Variants in SPATA6 observed in about 807,000 individuals in gnomAD.
SPATA6 encodes spermatogenesis associated 6, also known as spermatogenesis-associated protein 6.
Under a neutral mutation model 65.3 loss-of-function variants are expected in SPATA6, and 56 were observed. The observed-to-expected ratio is 0.86, with a 90% CI of 0.69 to 1.07. The LOEUF is 1.07. Ranked by LOEUF, SPATA6 falls within the 50% of genes least tolerant of loss-of-function variation. The pLI is 0.00. For missense variants in SPATA6, 590 were observed against 594.8 expected (o/e 0.99, Z 0.08); for synonymous variants, 199 against 213.2 (o/e 0.93, Z 0.58).
chr1:48,346,446 T>C (rs563298677), intron 11 of SPATA6, among the ~76,000 whole-genome samples: 6 of 152,208 alleles, frequency 3.9e-5, no homozygotes, highest in East Asian at 1.9e-4. Flanking sequence ...ATCACTCTTA[T>C]TCAACATAGG....
chr1:48,277,371 C>T, the SPATA6 span, among the ~76,000 whole-genome samples: 7 of 152,312 alleles, frequency 4.6e-5, no homozygotes, highest in African/African-American at 1.4e-4. Flanking sequence ...CAAAGCAGGG[C>T]GAGGCATTGC....
intron 11 of SPATA6, among the ~76,000 whole-genome samples, chr1:48,309,195 T>C (rs1305964244): frequency 6.6e-6 from 1 of 152,172 alleles, no homozygotes; most frequent in African/African-American, 2.4e-5. Flanking sequence ...ATATTCCTTC[T>C]GTCCCTTCCT....
chr1:48,413,012 C>G (rs1652396076), intron 4 of SPATA6, 98 bp downstream of exon 4: 1 of 345,998 alleles, frequency 2.9e-6, no homozygotes, highest in Non-Finnish European at 4.7e-6. Flanking sequence ...TATATTATAT[C>G]CTTATCAAAT....
the SPATA6 span, among the ~76,000 whole-genome samples, chr1:48,286,056 CTGTTT>C: frequency 6.6e-6 from 1 of 152,152 alleles, no homozygotes; most frequent in African/African-American, 2.4e-5. Context: ...CAGGATTACA[CTGTTT>C]TGTTTATTAT....
intron 11 of SPATA6, among the ~76,000 whole-genome samples, chr1:48,332,036 A>T (rs150911256): frequency 1.0e-3 from 159 of 152,306 alleles, no homozygotes; most frequent in African/African-American, 3.7e-3. Context: ...ATGCTGAGGG[A>T]ATTTGTTAAC....
intron 3 of SPATA6, among the ~76,000 whole-genome samples, chr1:48,433,566 G>A (rs1319468478): frequency 6.6e-6 from 1 of 151,960 alleles, no homozygotes; most frequent in South Asian, 2.1e-4. Context: ...AAATATTATA[G>A]CAAAATAGTA....
the SPATA6 span, among the ~76,000 whole-genome samples, chr1:48,280,125 T>C: frequency 6.6e-6 from 1 of 152,210 alleles, no homozygotes; most frequent in Non-Finnish European, 1.5e-5. Flanking sequence ...AGATGTTCTT[T>C]GAAACCAACG....
chr1:48,389,553 G>A (rs1649835138), intron 8 of SPATA6, among the ~76,000 whole-genome samples: 1 of 151,860 alleles, frequency 6.6e-6, no homozygotes, highest in South Asian at 2.1e-4. Context: ...CACCTATAAA[G>A]AAACCCCCAT....
intron 9 of SPATA6, among the ~76,000 whole-genome samples, chr1:48,380,938 C>T (rs1049614793): frequency 1.1e-4 from 16 of 152,158 alleles, no homozygotes; most frequent in African/African-American, 3.4e-4. Flanking sequence ...AATTTTTCCA[C>T]GAACTGGTGG....
downstream of SPATA6, among the ~76,000 whole-genome samples, chr1:48,291,262 A>C (rs536117004): frequency 3.3e-5 from 5 of 152,132 alleles, no homozygotes; most frequent in South Asian, 4.1e-4. Flanking sequence ...TTGTATGGGG[A>C]GGATCAGGTG....
At chr1:48,451,498 A>C in intron 3 of SPATA6, 54 bp downstream of exon 3, 1 of 1,534,548 alleles carries the variant, frequency 6.5e-7, no homozygotes, top group Non-Finnish European at 8.9e-7. Flanking sequence ...GATCATAAGG[A>C]TAATAAATCC....
chr1:48,361,935 A>T (rs1646825415), intron 9 of SPATA6, among the ~76,000 whole-genome samples: 1 of 152,172 alleles, frequency 6.6e-6, no homozygotes, highest in Non-Finnish European at 1.5e-5. Flanking sequence ...AGTTCAAATG[A>T]CACAGTTACA....
intron 9 of SPATA6, among the ~76,000 whole-genome samples, chr1:48,361,640 C>T (rs563465750): frequency 6.6e-6 from 1 of 152,254 alleles, no homozygotes; most frequent in South Asian, 2.1e-4. Context: ...ACCATTTAGA[C>T]AGCTATCTAA....
chr1:48,307,390 A>G (rs777941428), intron 11 of SPATA6, among the ~76,000 whole-genome samples: 39 of 148,368 alleles, frequency 2.6e-4, no homozygotes, highest in Middle Eastern at 3.6e-3. Flanking sequence ...ATAATCATAT[A>G]CATTTATATT....
At chr1:48,421,699 T>C (rs1378326504) in intron 3 of SPATA6, among the ~76,000 whole-genome samples, 1 of 151,846 alleles carries the variant, frequency 6.6e-6, no homozygotes, top group Non-Finnish European at 1.5e-5. Context: ...AGAAAACAAA[T>C]TGGGTGAAGA....
intron 3 of SPATA6, among the ~76,000 whole-genome samples, chr1:48,431,471 T>C (rs902867843): frequency 1.1e-4 from 16 of 152,104 alleles, no homozygotes; most frequent in Non-Finnish European, 4.4e-5. Context: ...ACAACACACA[T>C]ATTTTTCTCA....
chr1:48,315,228 A>C (rs1208981018), intron 11 of SPATA6, among the ~76,000 whole-genome samples: 1 of 152,172 alleles, frequency 6.6e-6, no homozygotes, highest in Non-Finnish European at 1.5e-5. Flanking sequence ...AGCCTGGCAG[A>C]GACATAACAA....
chr1:48,315,455 A>G (rs1053491095), intron 11 of SPATA6, among the ~76,000 whole-genome samples: 6 of 152,226 alleles, frequency 3.9e-5, no homozygotes, highest in Non-Finnish European at 8.8e-5. Context: ...GATTATCTCA[A>G]TAGATGCAAA....
chr1:48,399,222 C>T, intron 7 of SPATA6, 129 bp downstream of exon 7: 1 of 1,104,084 alleles, frequency 9.1e-7, no homozygotes. Flanking sequence ...TCTTAGACTG[C>T]TAGGGTAGCA....
Sources: allele counts gnomAD v4.1 joint callset (sites outside exome capture counted in the v4.1 genomes callset), GRCh38; gene constraint gnomAD v4.1.1; transcripts MANE v1.5; gene names NCBI Gene and HGNC (gene_info 2026-07-23, HGNC 2026-07-21).